CHLSN: variants seen among roughly 807,000 people sequenced by gnomAD.
The protein encoded by CHLSN is cholesin.
the CHLSN span, among the ~76,000 whole-genome samples, chr7:1,021,960 G>A: frequency 2.0e-5 from 3 of 152,156 alleles, no homozygotes; most frequent in African/African-American, 4.8e-5. Context: ...TCGATCCTCC[G>A]CGGGGGTGGC....
At chr7:1,071,698 C>T in the CHLSN span, among the ~76,000 whole-genome samples, 8 of 152,196 alleles carry the variant, frequency 5.3e-5, no homozygotes, top group Admixed American at 6.5e-5. Context: ...CGCCACAGGA[C>T]GCATTGCCAG....
chr7:979,110 C>A, the CHLSN span, among the ~76,000 whole-genome samples: 1 of 152,230 alleles, frequency 6.6e-6, no homozygotes. Flanking sequence ...CCAGCCTCCA[C>A]TGTGACCACA....
the CHLSN span, among the ~76,000 whole-genome samples, chr7:1,063,507 G>C: frequency 9.2e-5 from 14 of 152,320 alleles, no homozygotes; most frequent in African/African-American, 2.9e-4. Context: ...CAAACATGGG[G>C]ACTGTTTCCA....
At chr7:1,053,360 C>A in the CHLSN span, among the ~76,000 whole-genome samples, 1 of 152,240 alleles carries the variant, frequency 6.6e-6, no homozygotes, top group Non-Finnish European at 1.5e-5. Flanking sequence ...AGGACAGGAC[C>A]CCGGCTAATG....
At chr7:1,058,286 G>A in the CHLSN span, 46 of 773,740 alleles carry the variant, frequency 5.9e-5, 1 homozygote, top group South Asian at 4.6e-4. Context: ...TGGGGCACAC[G>A]GTCATCATCT....
At chr7:995,438 G>A in the CHLSN span, among the ~76,000 whole-genome samples, 1 of 152,220 alleles carries the variant, frequency 6.6e-6, no homozygotes, top group Admixed American at 6.5e-5. Flanking sequence ...TGGTCGGTGA[G>A]GACTCAGCAG....
chr7:1,109,855 C>T, the CHLSN span, among the ~76,000 whole-genome samples: 1 of 152,176 alleles, frequency 6.6e-6, no homozygotes, highest in South Asian at 2.1e-4. Context: ...CCAGCAAAGA[C>T]ATCTCTCTGT....
the CHLSN span, chr7:988,823 G>A: frequency 6.5e-7 from 1 of 1,546,706 alleles, no homozygotes; most frequent in Non-Finnish European, 8.7e-7. Flanking sequence ...CAGGCCCTAG[G>A]AGCTCCCCCA....
chr7:1,064,138 G>A, the CHLSN span, among the ~76,000 whole-genome samples: 2 of 152,162 alleles, frequency 1.3e-5, no homozygotes, highest in Non-Finnish European at 2.9e-5. Context: ...ATGCAAGCAC[G>A]CATGCACACA....
the CHLSN span, among the ~76,000 whole-genome samples, chr7:1,094,668 A>G: frequency 1.3e-5 from 2 of 151,364 alleles, no homozygotes; most frequent in Non-Finnish European, 2.9e-5. Context: ...ATAACCACAC[A>G]TGAGCCCAGG....
At chr7:1,013,929 A>C in the CHLSN span, among the ~76,000 whole-genome samples, 1 of 152,242 alleles carries the variant, frequency 6.6e-6, no homozygotes, top group African/African-American at 2.4e-5. Flanking sequence ...AAATGCATAA[A>C]ACAATTCAAT....
the CHLSN span, among the ~76,000 whole-genome samples, chr7:1,121,657 C>T: frequency 2.6e-5 from 4 of 152,270 alleles, no homozygotes; most frequent in South Asian, 2.1e-4. Context: ...CTGTGCGAGG[C>T]GCAAGCCCCA....
the CHLSN span, among the ~76,000 whole-genome samples, chr7:1,023,375 C>T: frequency 1.3e-5 from 2 of 152,118 alleles, no homozygotes; most frequent in Admixed American, 6.5e-5. This position sits in a 1 kb window ranked among gnomAD's most constrained non-coding sequence, Gnocchi z 5.0. Flanking sequence ...TCATTCTCCA[C>T]CCAGGTTCAA....
chr7:991,806 T>G, the CHLSN span, among the ~76,000 whole-genome samples: 16 of 152,212 alleles, frequency 1.1e-4, 1 homozygote, highest in East Asian at 2.7e-3. Flanking sequence ...CTCCAGAGCC[T>G]CCTCATCTTC....
the CHLSN span, among the ~76,000 whole-genome samples, chr7:1,106,707 C>T: frequency 8.4e-4 from 128 of 152,310 alleles, 1 homozygote; most frequent in South Asian, 0.018. Flanking sequence ...CTGTGGGGTG[C>T]GGCCAGAAAA....
the CHLSN span, among the ~76,000 whole-genome samples, chr7:1,066,930 G>A: frequency 6.9e-6 from 1 of 144,890 alleles, no homozygotes; most frequent in East Asian, 2.1e-4. Context: ...ACCCAGAGGT[G>A]AGGGTTTGGG....
At chr7:1,133,521 C>G in the CHLSN span, among the ~76,000 whole-genome samples, 1 of 151,590 alleles carries the variant, frequency 6.6e-6, no homozygotes, top group Non-Finnish European at 1.5e-5. Context: ...GAGGCTGAGG[C>G]AGATGGATCA....
the CHLSN span, among the ~76,000 whole-genome samples, chr7:1,131,487 A>G: frequency 1.3e-5 from 2 of 152,238 alleles, no homozygotes; most frequent in Non-Finnish European, 2.9e-5. Context: ...GTAACAGCAC[A>G]TTGGAAGAAT....
the CHLSN span, among the ~76,000 whole-genome samples, chr7:1,111,865 G>A: frequency 2.0e-5 from 3 of 152,038 alleles, no homozygotes; most frequent in African/African-American, 7.3e-5. Context: ...GACTCGCTGT[G>A]GATGGAAAAG....
Sources: allele counts gnomAD v4.1 joint callset (sites outside exome capture counted in the v4.1 genomes callset), GRCh38; gene constraint gnomAD v4.1.1; non-coding constraint Gnocchi (gnomAD v3.1); transcripts MANE v1.5; gene names NCBI Gene and HGNC (gene_info 2026-07-23, HGNC 2026-07-21).